The following LPAR3 variants were observed in gnomAD, a reference collection of about 807,000 sequenced individuals.
LPAR3 encodes LPA receptor 3.
A neutral mutation model predicts 17.8 loss-of-function variants in LPAR3; 7 were observed. The observed-to-expected ratio is 0.39, with a 90% CI of 0.22 to 0.74. LPAR3 has a LOEUF of 0.74. Among genes scored for constraint, LPAR3 ranks in the 30% least tolerant of loss-of-function variants. The pLI is 0.40. For missense variants in LPAR3, 391 were observed against 453.4 expected (o/e 0.86, Z 1.25); for synonymous variants, 179 against 179.9 (o/e 0.99, Z 0.04).
chr1:84,867,313 A>G (rs978978782), intron 1 of LPAR3, among the ~76,000 whole-genome samples: 2 of 152,344 alleles, frequency 1.3e-5, no homozygotes, highest in Non-Finnish European at 2.9e-5. Flanking sequence ...GCTTCTTGGA[A>G]GAATGACCAT....
At chr1:84,889,952 G>A (rs1318222184) in intron 1 of LPAR3, among the ~76,000 whole-genome samples, 2 of 152,210 alleles carry the variant, frequency 1.3e-5, no homozygotes, top group African/African-American at 4.8e-5. Context: ...ACTTAAACAT[G>A]ACAATCTATT....
chr1:84,867,122 T>C (rs1043610683), intron 1 of LPAR3, among the ~76,000 whole-genome samples: 15 of 152,188 alleles, frequency 9.9e-5, no homozygotes, highest in Non-Finnish European at 1.6e-4. Flanking sequence ...ATCCTCTCAG[T>C]AAAAGATCTC....
chr1:84,879,316 C>CTTTTTTCTTTTTT (rs1553149965), intron 1 of LPAR3, among the ~76,000 whole-genome samples: 26 of 120,592 alleles, frequency 2.2e-4, no homozygotes, highest in African/African-American at 7.0e-4. Flanking sequence ...TTTCTTTTTT[C>CTTTTTTCTTTTTT]TTTTTTTTTT....
At position 84,836,850 on chromosome 1, in the gene LPAR3, A is replaced by G. The variant is rs948899763; in HGVS notation, c.737-22679T>C. On this transcript the variant is annotated intron_variant, in intron 2 of 2. Transcript: ENST00000370611. Reference sequence around the variant, plus strand: ...GCAAATTAAAAGCCCTATATTATTTATTTTTGTTTTAAATGGATACATTGA... The same window carrying G: ...GCAAATTAAAAGCCCTATATTATTTGTTTTTGTTTTAAATGGATACATTGA... 4.6e-5 allele frequency among the ~76,000 whole-genome samples: 7 copies of G among 152,274 alleles called. No individual in the cohort carries two copies. In the South Asian group the frequency reaches 1.5e-3, roughly 32 times the overall value.
At chr1:84,825,499 C>G (rs1391577226) in intron 2 of LPAR3, among the ~76,000 whole-genome samples, 1 of 152,144 alleles carries the variant, frequency 6.6e-6, no homozygotes, top group African/African-American at 2.4e-5. Context: ...TGCAAGGCCA[C>G]CATGTTCTGT....
At chr1:84,887,659 G>A (rs1448030779) in intron 1 of LPAR3, among the ~76,000 whole-genome samples, 3 of 152,174 alleles carry the variant, frequency 2.0e-5, no homozygotes, top group South Asian at 4.1e-4. Flanking sequence ...CAGTGGGATG[G>A]GTTGGCACCA....
In LPAR3 at chr1:84,813,622, G is replaced by C. The variant is rs949838853; in HGVS notation, c.*224C>G. The C allele has an allele frequency of 5.9e-6, 3 of 510,508 alleles. No individual in the cohort carries two copies. Among genetic ancestry groups the C allele is most frequent in the African/African-American group, 3.8e-5 (2 of 52,354 alleles). 31.6% of individuals were successfully genotyped at this position (510,508 alleles called of 1,614,324 possible). The stretch of plus-strand genomic sequence containing the variant: ...CTGAGCAGTTCATAGGACAAGCAGG[G>C]ACCCGCCGAACCTCTCCCGTTTCTG... On this transcript the variant is annotated 3_prime_UTR_variant, in exon 3 of 3. Transcript: ENST00000370611.
At chr1:84,826,107 T>C (rs991598823) in intron 2 of LPAR3, among the ~76,000 whole-genome samples, 7 of 151,814 alleles carry the variant, frequency 4.6e-5, no homozygotes, top group African/African-American at 1.7e-4. Context: ...ACTCTAGAGC[T>C]CGAGTTATTT....
At chr1:84,855,585 A>C (rs1028091984) in intron 2 of LPAR3, among the ~76,000 whole-genome samples, 3 of 152,214 alleles carry the variant, frequency 2.0e-5, no homozygotes, top group Non-Finnish European at 4.4e-5. Context: ...CAGTTTTCTA[A>C]AAAGAAGAAA....
intron 2 of LPAR3, among the ~76,000 whole-genome samples, chr1:84,864,905 C>T (rs758798956): frequency 4.4e-4 from 67 of 152,158 alleles, no homozygotes; most frequent in Non-Finnish European, 8.7e-4. Flanking sequence ...CTCCTACTCC[C>T]TCTGCTCGAT....
chr1:84,880,606 G>A (rs562350731), intron 1 of LPAR3, among the ~76,000 whole-genome samples: 2 of 152,204 alleles, frequency 1.3e-5, no homozygotes. Flanking sequence ...GAGAGGCAGA[G>A]AGATGAGCCA....
Position 84,865,539 on chromosome 1 carries a change from G to A in LPAR3, c.582C>T (p.Ser194=), listed in dbSNP as rs752537614. 1.9e-6 allele frequency: 3 copies of A among 1,614,072 alleles called. No individual in the cohort carries two copies. The highest frequency in any genetic ancestry group is 1.7e-6 in the Non-Finnish European group (2 of 1,180,054). The change falls in exon 2 of 3, where the codon TCC becomes TCT. Residue 194 remains serine, a synonymous_variant. Transcript: ENST00000370611. The stretch of plus-strand genomic sequence containing the variant: ...CCATGATGAGGAAGGCCATGAGGTT[G>A]GACACTGTCCAGAAAACAAGGTAAC... ...SRSYLVFWTV[S]NLMAFLIMVV... is the part of the protein sequence containing the mutation.
At chr1:84,864,573 C>T (rs1344175738) in intron 2 of LPAR3, among the ~76,000 whole-genome samples, 1 of 152,036 alleles carries the variant, frequency 6.6e-6, no homozygotes, top group Non-Finnish European at 1.5e-5. Context: ...AGCTTCTCAT[C>T]TCACTTGAGA....
rs551904104 is a variant in LPAR3, at chr1:84,836,599, T to C, written c.737-22428A>G. ...TAATAACATTTCATTTTCAATCAAT[T>C]AGAATAACTTATTTGGAATTTAATT... On this transcript the variant is annotated intron_variant, in intron 2 of 2. Coordinates refer to ENST00000370611, the MANE Select transcript of LPAR3 (RefSeq NM_012152.3). Among the ~76,000 whole-genome samples, 5 of 152,302 alleles carry C rather than the reference T, an allele frequency of 3.3e-5. No individual in the cohort carries two copies. The South Asian group carries it at 1.0e-3, about 32-fold the overall frequency.
At chr1:84,867,861 T>A (rs77562078) in intron 1 of LPAR3, among the ~76,000 whole-genome samples, 1,961 of 152,290 alleles carry the variant, frequency 0.013, 46 homozygotes, top group African/African-American at 0.045. Context: ...GGTAGTATAA[T>A]TTTAATAGCT....
chr1:84,864,910 C>T (rs1250268163), intron 2 of LPAR3, among the ~76,000 whole-genome samples: 2 of 152,170 alleles, frequency 1.3e-5, no homozygotes, highest in Non-Finnish European at 2.9e-5. Context: ...ACTCCCTCTG[C>T]TCGATCCATG....
chr1:84,847,980 A>G (rs552575444), intron 2 of LPAR3, among the ~76,000 whole-genome samples: 97 of 152,294 alleles, frequency 6.4e-4, no homozygotes, highest in African/African-American at 2.3e-3. Context: ...TTTTGTGGGA[A>G]CTGCAGTTTT....
intron 2 of LPAR3, among the ~76,000 whole-genome samples, chr1:84,849,646 A>G (rs1659664581): frequency 6.6e-6 from 1 of 152,142 alleles, no homozygotes; most frequent in Admixed American, 6.5e-5. Flanking sequence ...AGTTGCTAAG[A>G]TAACTGGAAG....
At chr1:84,860,408 G>GCACAA (rs1269766893) in intron 2 of LPAR3, among the ~76,000 whole-genome samples, 1 of 152,156 alleles carries the variant, frequency 6.6e-6, no homozygotes, top group African/African-American at 2.4e-5. Context: ...TGTACTCTGT[G>GCACAA]GGGCCTTCCT....
Sources: gnomAD v4.1 joint callset for allele counts (sites outside exome capture counted in the v4.1 genomes callset) on GRCh38, gnomAD v4.1.1 for gene constraint, MANE v1.5 for transcripts, NCBI Gene and HGNC (gene_info 2026-07-23, HGNC 2026-07-21) for gene names.